The following POU3F3 variants were observed in gnomAD, a reference collection of about 807,000 sequenced individuals.
POU3F3 encodes POU class 3 homeobox 3.
In POU3F3, 1 loss-of-function variant was observed where a neutral mutation model predicts 8.6. The ratio of observed to expected loss-of-function variants is 0.12; its 90% CI spans 0.04 to 0.55. The LOEUF is 0.55. Ranked by LOEUF, POU3F3 falls within the 20% of genes least tolerant of loss-of-function variation. The pLI is 0.91. For synonymous variants in POU3F3, 418 were observed against 327.4 expected (o/e 1.28, Z -2.99); for missense variants, 577 against 690.7 (o/e 0.84, Z 1.84).
chr2:104,882,680 C>T, the POU3F3 span, among the ~76,000 whole-genome samples: 1 of 152,202 alleles, frequency 6.6e-6, no homozygotes, highest in African/African-American at 2.4e-5. Flanking sequence ...AGATCTCAAA[C>T]ATTGATGGTC....
the POU3F3 span, among the ~76,000 whole-genome samples, chr2:104,909,762 C>T: frequency 1.8e-3 from 279 of 152,266 alleles, 1 homozygote; most frequent in Non-Finnish European, 3.6e-3. Context: ...GATGCTTATG[C>T]GAATTTTATT....
At chr2:104,908,040 T>G in the POU3F3 span, among the ~76,000 whole-genome samples, 2 of 152,230 alleles carry the variant, frequency 1.3e-5, no homozygotes, top group East Asian at 1.9e-4. Flanking sequence ...TTGTCTTTAT[T>G]AAGACACATT....
At chr2:104,925,505 G>GACCACCTAAAC in the POU3F3 span, among the ~76,000 whole-genome samples, 3 of 152,100 alleles carry the variant, frequency 2.0e-5, no homozygotes, top group African/African-American at 7.2e-5. Flanking sequence ...GGGTGGGGAG[G>GACCACCTAAAC]AGGCCACTGG....
the POU3F3 span, among the ~76,000 whole-genome samples, chr2:104,895,447 C>G: frequency 6.6e-6 from 1 of 151,976 alleles, no homozygotes; most frequent in Non-Finnish European, 1.5e-5. Context: ...AGAAGCTTTC[C>G]GAAAAGTACA....
the POU3F3 span, among the ~76,000 whole-genome samples, chr2:104,918,997 G>A: frequency 4.0e-5 from 6 of 151,324 alleles, no homozygotes; most frequent in Non-Finnish European, 8.8e-5. Flanking sequence ...TCAGCCTCCC[G>A]AGTAGCTGGG....
At chr2:104,868,660 A>C in the POU3F3 span, among the ~76,000 whole-genome samples, 1 of 152,030 alleles carries the variant, frequency 6.6e-6, no homozygotes, top group African/African-American at 2.4e-5. Context: ...CCACTTCCCA[A>C]ATGGCTGCTG....
chr2:104,856,433 A>G lies in POU3F3; in HGVS notation c.923A>G (p.His308Arg). Reference sequence around the variant, plus strand: ...GGCGCGGGGCCTGGACTCAACAGCCACGACCCGCACTCGGACGAGGACACG... The same window carrying G: ...GGCGCGGGGCCTGGACTCAACAGCCGCGACCCGCACTCGGACGAGGACACG... ...GGGAGPGLNS[H>R]DPHSDEDTPT... Residue 308 changes from histidine (H) to arginine (R), a missense_variant, in exon 1 of 1, where the codon CAC becomes CGC. By Grantham distance (29) the His-to-Arg change is conservative. Coordinates refer to ENST00000361360, the MANE Select transcript of POU3F3 (RefSeq NM_006236.3). 1 of 1,609,766 alleles carries G rather than the reference A, an allele frequency of 6.2e-7. No homozygotes were observed. The highest frequency in any genetic ancestry group is 8.5e-7 in the Non-Finnish European group (1 of 1,178,764).
chr2:104,882,243 A>ATTTT, the POU3F3 span, among the ~76,000 whole-genome samples: 6 of 111,286 alleles, frequency 5.4e-5, no homozygotes, highest in Non-Finnish European at 1.1e-4. Flanking sequence ...GAAAACCTGA[A>ATTTT]TTTTTTTTTT....
At chr2:104,917,192 G>A in the POU3F3 span, among the ~76,000 whole-genome samples, 4 of 152,152 alleles carry the variant, frequency 2.6e-5, no homozygotes, top group Non-Finnish European at 5.9e-5. Flanking sequence ...GCAGCTTGTG[G>A]GACTTTTCAG....
chr2:104,855,766 A>C lies in POU3F3; in HGVS notation c.256A>C (p.Asn86His). ...DFMQGAMAAS[N>H]GGHMLSHAHQ... ...CATGCAGGGGGCCATGGCCGCCAGC[A>C]ACGGCGGCCATATGCTGAGCCACGC... Residue 86 changes from asparagine to histidine, a missense_variant, in exon 1 of 1, where the codon AAC (asparagine) becomes CAC (histidine). By Grantham distance (68) the Asn-to-His change is moderately conservative. This residue lies in a region of POU3F3 where 484 missense variants were observed against 422.6 expected (regional missense o/e 1.15). Coordinates refer to ENST00000361360, the MANE Select transcript of POU3F3 (RefSeq NM_006236.3). The C allele has an allele frequency of 1.5e-6, 2 of 1,315,978 alleles. No individual in the cohort carries two copies. The highest frequency in any genetic ancestry group is 2.0e-6 in the Non-Finnish European group (2 of 1,011,600). 81.5% of individuals were successfully genotyped at this position (1,315,978 alleles called of 1,614,324 possible). A position where few individuals can be genotyped will look rare whatever the true frequency, so the allele number is the denominator to read the frequency against.
the POU3F3 span, among the ~76,000 whole-genome samples, chr2:104,909,203 C>T: frequency 1.3e-5 from 2 of 152,174 alleles, no homozygotes; most frequent in African/African-American, 4.8e-5. Context: ...GCCAAAATTC[C>T]TTAAGACAAT....
At chr2:104,858,956 C>T (rs925347409), downstream of POU3F3, among the ~76,000 whole-genome samples, 2 of 151,954 alleles carry the variant, frequency 1.3e-5, no homozygotes, top group African/African-American at 2.4e-5. Flanking sequence ...AGCCCCTCCC[C>T]CCAAGTTCAG....
At chr2:104,911,237 A>G in the POU3F3 span, among the ~76,000 whole-genome samples, 2 of 151,690 alleles carry the variant, frequency 1.3e-5, no homozygotes, top group East Asian at 1.9e-4. Flanking sequence ...GCAAAATCCC[A>G]TCTCTACTAA....
chr2:104,856,848 G>A lies in POU3F3; in HGVS notation c.1338G>A (p.Glu446=). ...ACCTGGCCGACAGCCTGCAGCTCGA[G>A]AAGGAGGTGGTGCGGGTCTGGTTCT... ...ITNLADSLQL[E]KEVVRVWFCN... is the part of the protein sequence containing the mutation. Residue 446 remains glutamate (E), a synonymous_variant, in exon 1 of 1, where the codon GAG becomes GAA. Transcript: ENST00000361360. The A allele has an allele frequency of 6.2e-7, 1 of 1,614,118 alleles. No individual in the cohort carries two copies. Among genetic ancestry groups the A allele is most frequent in the Non-Finnish European group, 8.5e-7 (1 of 1,180,006 alleles).
chr2:104,864,538 G>T, the POU3F3 span, among the ~76,000 whole-genome samples: 17 of 151,984 alleles, frequency 1.1e-4, no homozygotes, highest in South Asian at 1.0e-3. Context: ...ATTAGAGTTG[G>T]TTTTTTTTCC....
the POU3F3 span, chr2:104,872,346 C>T: frequency 3.3e-5 from 15 of 456,584 alleles, no homozygotes; most frequent in Middle Eastern, 3.2e-4. This position sits in a 1 kb window ranked among gnomAD's most constrained non-coding sequence, Gnocchi z 4.6. Context: ...CCAGAGCACA[C>T]ACTTCGGGCT....
chr2:104,900,335 A>C, the POU3F3 span, among the ~76,000 whole-genome samples: 1 of 152,224 alleles, frequency 6.6e-6, no homozygotes, highest in Non-Finnish European at 1.5e-5. Flanking sequence ...CTACATAGAA[A>C]AATATGGAAT....
At chr2:104,877,844 G>A in the POU3F3 span, among the ~76,000 whole-genome samples, 2 of 151,412 alleles carry the variant, frequency 1.3e-5, no homozygotes, top group Admixed American at 1.3e-4. Flanking sequence ...TTTTAGTAGA[G>A]ACGGGGTTTC....
the POU3F3 span, among the ~76,000 whole-genome samples, chr2:104,882,424 G>A: frequency 6.6e-6 from 1 of 151,800 alleles, no homozygotes; most frequent in South Asian, 2.1e-4. Context: ...GCTAATTTTT[G>A]TACTTTTAGT....
Sources: gnomAD v4.1 joint callset for allele counts (sites outside exome capture counted in the v4.1 genomes callset) on GRCh38, gnomAD v4.1.1 for gene constraint, gnomAD v4.1.1 regional missense constraint, Gnocchi (gnomAD v3.1) non-coding constraint, MANE v1.5 for transcripts, NCBI Gene and HGNC (gene_info 2026-07-23, HGNC 2026-07-21) for gene names.